RP1: variants seen among roughly 807,000 people sequenced by gnomAD.
The protein encoded by RP1 is oxygen-regulated protein 1.
In RP1, 16 loss-of-function variants were observed where a neutral mutation model predicts 14.8. The observed-to-expected ratio is 1.08, with a 90% confidence interval of 0.73 to 1.65. The LOEUF is 1.65. RP1 is among the 40% of genes most tolerant of loss of function. RP1 has a pLI of 0.00. For synonymous variants in RP1, 876 were observed against 883.6 expected (o/e 0.99, Z 0.15); for missense variants, 2,631 against 2,535.0 (o/e 1.04, Z -0.81).
intron 3 of RP1, among the ~76,000 whole-genome samples, chr8:54,639,013 A>G (rs754377902): frequency 1.3e-4 from 20 of 152,086 alleles, no homozygotes; most frequent in Non-Finnish European, 2.8e-4. Flanking sequence ...TATTCACATA[A>G]TCACCACTAT....
intron 12 of RP1, among the ~76,000 whole-genome samples, chr8:54,686,864 T>A (rs571705782): frequency 6.6e-6 from 1 of 152,250 alleles, no homozygotes; most frequent in African/African-American, 2.4e-5. Flanking sequence ...AGAAAAAATT[T>A]ATAATCTGGA....
chr8:54,791,246 C>A (rs1300828169), intron 24 of RP1, among the ~76,000 whole-genome samples: 2 of 152,022 alleles, frequency 1.3e-5, no homozygotes, highest in African/African-American at 2.4e-5. Flanking sequence ...CTGTACCCAC[C>A]AAACTTGTCC....
chr8:54,868,623 T>C (rs940202476), intron 28 of RP1, among the ~76,000 whole-genome samples: 7 of 152,214 alleles, frequency 4.6e-5, no homozygotes, highest in African/African-American at 1.7e-4. Context: ...TATCAATCTG[T>C]TGTTTCTATG....
intron 22 of RP1, among the ~76,000 whole-genome samples, chr8:54,760,889 A>G (rs1391776902): frequency 6.6e-6 from 1 of 152,054 alleles, no homozygotes; most frequent in Admixed American, 6.5e-5. Context: ...CTCTTCTCTC[A>G]ATGTGTACTC....
intron 24 of RP1, among the ~76,000 whole-genome samples, chr8:54,818,376 T>C (rs999538825): frequency 1.3e-5 from 2 of 152,264 alleles, no homozygotes; most frequent in Non-Finnish European, 2.9e-5. Flanking sequence ...GGAGATTTCC[T>C]GTTCTTTCAC....
chr8:54,842,304 T>A (rs1377817078), intron 25 of RP1, among the ~76,000 whole-genome samples: 1 of 152,212 alleles, frequency 6.6e-6, no homozygotes, highest in Non-Finnish European at 1.5e-5. Context: ...TTTCTGTTAC[T>A]CTCTTTGTGA....
chr8:54,621,981 T>G, intron 2 of RP1, 136 bp from the exon 3 acceptor site: 1 of 890,548 alleles, frequency 1.1e-6, no homozygotes, highest in Non-Finnish European at 1.8e-6. Flanking sequence ...GTATACACCA[T>G]TGGTGCCTAA....
chr8:54,812,147 T>C (rs1811012857), intron 24 of RP1, among the ~76,000 whole-genome samples: 1 of 152,238 alleles, frequency 6.6e-6, no homozygotes, highest in Admixed American at 6.5e-5. Flanking sequence ...TTTGTTTTCT[T>C]TTATTTATGT....
At chr8:54,614,535 T>C (rs1805669459), upstream of RP1, among the ~76,000 whole-genome samples, 2 of 152,052 alleles carry the variant, frequency 1.3e-5, no homozygotes. Context: ...TGGGAAGCCA[T>C]GGTTTAGATA....
At chr8:54,579,020 C>T (rs1251782714) in intron 1 of RP1, among the ~76,000 whole-genome samples, 18 of 152,206 alleles carry the variant, frequency 1.2e-4, no homozygotes, top group Admixed American at 1.2e-3. Context: ...TAGTTACCTT[C>T]CAACTCTCTT....
At position 54,630,014 on chromosome 8, in the gene RP1, G is replaced by A; in HGVS notation, c.6132G>A (p.Val2044=). Residue 2044 remains valine, a synonymous_variant, in exon 4 of 4, where the codon GTG becomes GTA. Transcript: ENST00000220676. ...MNFLHTSLLV[V]GNVDSNTQDL... ...TCTTGCACACATCATTGTTAGTTGT[G>A]GGTAATGTGGATTCAAATACACAAG... The A allele has an allele frequency of 6.2e-7, 1 of 1,613,992 alleles. No homozygotes were observed. The highest frequency in any genetic ancestry group is 8.5e-7 in the Non-Finnish European group (1 of 1,179,958).
chr8:54,822,797 A>G (rs1019211193), intron 24 of RP1, among the ~76,000 whole-genome samples: 1 of 152,222 alleles, frequency 6.6e-6, no homozygotes, highest in Admixed American at 6.5e-5. Context: ...GTGTCCCAAA[A>G]TGGTGAATTA....
chr8:54,785,736 G>A (rs1052409936), intron 24 of RP1, among the ~76,000 whole-genome samples: 5 of 152,032 alleles, frequency 3.3e-5, no homozygotes, highest in Non-Finnish European at 7.4e-5. Flanking sequence ...TAGTGGATGC[G>A]AAATAGTATC....
At chr8:54,778,087 G>A (rs867208891) in intron 23 of RP1, among the ~76,000 whole-genome samples, 5 of 152,056 alleles carry the variant, frequency 3.3e-5, no homozygotes, top group African/African-American at 9.7e-5. Context: ...TCACCCATTC[G>A]TTTTTTGAAA....
intron 18 of RP1, among the ~76,000 whole-genome samples, chr8:54,736,854 A>G (rs895702464): frequency 6.6e-6 from 1 of 152,196 alleles, no homozygotes; most frequent in Non-Finnish European, 1.5e-5. Flanking sequence ...CTGTGTGTGC[A>G]CTAAAGTTTG....
chr8:54,570,591 G>A (rs1586389584), intron 1 of RP1, among the ~76,000 whole-genome samples: 2 of 151,422 alleles, frequency 1.3e-5, no homozygotes, highest in Non-Finnish European at 2.9e-5. Context: ...GCCTCCCAAA[G>A]TGCTAGAATT....
chr8:54,658,336 G>A lies in RP1; in HGVS notation c.1171+2121G>A, dbSNP rs529182769. On this transcript the variant is annotated intron_variant, in intron 6 of 22. Coordinates refer to the RP1 transcript ENST00000636932. ...GGAGGCCGAGGCGGGCGGATCACGAGGTCAGGAGATCGAGACCATCCCGGC... is the reference window on the plus strand; with the variant it reads ...GGAGGCCGAGGCGGGCGGATCACGAAGTCAGGAGATCGAGACCATCCCGGC... 3.8e-4 allele frequency among the ~76,000 whole-genome samples: 57 copies of A among 149,770 alleles called. 2 individuals are homozygous for A. The South Asian group carries it at 0.011, about 30-fold the overall frequency.
At chr8:54,587,062 G>T (rs1804946293) in intron 1 of RP1, among the ~76,000 whole-genome samples, 1 of 152,206 alleles carries the variant, frequency 6.6e-6, no homozygotes, top group Non-Finnish European at 1.5e-5. Flanking sequence ...TGGAAATGCA[G>T]AAATCACCCA....
intron 12 of RP1, among the ~76,000 whole-genome samples, chr8:54,686,327 G>A (rs1807562706): frequency 6.6e-6 from 1 of 151,172 alleles, no homozygotes. Context: ...ATCTTTTCAA[G>A]AAAATATTTC....
Sources: gnomAD v4.1 joint callset for allele counts (sites outside exome capture counted in the v4.1 genomes callset) on GRCh38, gnomAD v4.1.1 for gene constraint, MANE v1.5 for transcripts, NCBI Gene and HGNC (gene_info 2026-07-23, HGNC 2026-07-21) for gene names.